Variants in TSC22D1 observed in about 807,000 individuals in gnomAD.
TSC22D1 encodes the protein TSC22 domain family protein 1.
A neutral mutation model predicts 74.2 loss-of-function variants in TSC22D1; 9 were observed. That is an observed-to-expected ratio of 0.12 (90% CI 0.07 to 0.21). The LOEUF (loss-of-function observed/expected upper bound fraction) is 0.21, where lower values mean the gene tolerates loss of function less well. TSC22D1 is among the 10% of genes least tolerant of loss of function. The pLI is 1.00. For missense variants in TSC22D1, 1,427 were observed against 1,304.7 expected (o/e 1.09, Z -1.44); for synonymous variants, 586 against 492.5 (o/e 1.19, Z -2.51).
At chr13:44,551,396 G>GTGGGTGTGTT (rs1882257273) in intron 1 of TSC22D1, among the ~76,000 whole-genome samples, 1 of 127,784 alleles carries the variant, frequency 7.8e-6, no homozygotes, top group Non-Finnish European at 1.6e-5. Context: ...ATGGGTGTGT[G>GTGGGTGTGTT]TGTGTGTGTG....
chr13:44,571,729 AAACT>A lies in TSC22D1; in HGVS notation c.2912+1430_2912+1433del, dbSNP rs537086344. Among the ~76,000 whole-genome samples, 5 of 152,318 alleles carry A rather than the reference AAACT, an allele frequency of 3.3e-5. No individual in the cohort carries two copies. The South Asian group carries it at 1.0e-3, about 32-fold the overall frequency. The stretch of plus-strand genomic sequence containing the variant: ...AACAATAATAATGGAACAATTAAGG[AAACT>A]ACCTCCTAAAAGTTTATCTTTTAGA... On this transcript the variant is annotated intron_variant, in intron 1 of 2. Coordinates refer to ENST00000458659, the MANE Select transcript of TSC22D1 (RefSeq NM_183422.4).
chr13:44,503,368 C>T (rs979868486), intron 1 of TSC22D1, among the ~76,000 whole-genome samples: 20 of 151,808 alleles, frequency 1.3e-4, no homozygotes, highest in African/African-American at 4.1e-4. Flanking sequence ...TAGTTAAAGA[C>T]GAAAGTCTCC....
Position 44,575,916 on chromosome 13 carries a change from T to C in TSC22D1, c.159A>G (p.Thr53=). The change falls in exon 1 of 3, where the codon ACA becomes ACG. Residue 53 remains threonine, a synonymous_variant. Transcript: ENST00000458659. ...AAGTGVGSNA[T]SSEDFPPPSL... ...ACGGAGGCGGAAAATCCTCGGAAGA[T>C]GTGGCATTACTACCGACGCCGGTAC... is the stretch of plus-strand genomic sequence containing the variant. 2.5e-6 allele frequency: 4 copies of C among 1,613,776 alleles called. No individual in the cohort carries two copies. The highest frequency in any genetic ancestry group is 3.4e-6 in the Non-Finnish European group (4 of 1,179,938).
intron 1 of TSC22D1, among the ~76,000 whole-genome samples, chr13:44,517,776 T>TAC (rs1555269359): frequency 3.8e-5 from 5 of 130,860 alleles, no homozygotes; most frequent in African/African-American, 1.4e-4. Context: ...TATATATATA[T>TAC]ACACATATAT....
intron 1 of TSC22D1, among the ~76,000 whole-genome samples, chr13:44,531,116 T>C (rs542529687): frequency 8.9e-4 from 135 of 152,274 alleles, no homozygotes; most frequent in Non-Finnish European, 9.6e-4. Flanking sequence ...ATGTAAACTA[T>C]AGACTTTAAT....
chr13:44,521,182 T>C (rs1053771158), intron 1 of TSC22D1, among the ~76,000 whole-genome samples: 2 of 152,148 alleles, frequency 1.3e-5, no homozygotes, highest in Non-Finnish European at 1.5e-5. Context: ...TTAAGACAAT[T>C]GAGAACCTAA....
intron 1 of TSC22D1, among the ~76,000 whole-genome samples, chr13:44,469,739 A>C (rs933808150): frequency 3.3e-5 from 5 of 152,150 alleles, no homozygotes; most frequent in African/African-American, 7.2e-5. Flanking sequence ...AAGCTAGTGA[A>C]ATTTATCTAT....
In TSC22D1 at chr13:44,574,354, G is replaced by C; in HGVS notation, c.1721C>G (p.Ala574Gly). ...PVPLQATMSA[A>G]TGIQPSPVNV... The stretch of plus-strand genomic sequence containing the variant: ...TACAGGCGATGGCTGGATACCAGTT[G>C]CAGCACTCATAGTGGCTTGCAGAGG... The change falls in exon 1 of 3, where the codon GCA (alanine) becomes GGA (glycine). Residue 574 changes from alanine to glycine, a missense_variant. Coordinates refer to ENST00000458659, the MANE Select transcript of TSC22D1 (RefSeq NM_183422.4). 1 of 1,614,252 alleles carries C rather than the reference G, an allele frequency of 6.2e-7. No homozygotes were observed. Among genetic ancestry groups the C allele is most frequent in the Non-Finnish European group, 8.5e-7 (1 of 1,180,046 alleles).
chr13:44,565,798 T>A (rs569336442), intron 1 of TSC22D1, among the ~76,000 whole-genome samples: 1 of 152,276 alleles, frequency 6.6e-6, no homozygotes, highest in Admixed American at 6.5e-5. Flanking sequence ...GCTCAAGTGA[T>A]CCTCCTATCT....
chr13:44,473,075 G>A (rs1213162178), intron 1 of TSC22D1, among the ~76,000 whole-genome samples: 1 of 152,212 alleles, frequency 6.6e-6, no homozygotes, highest in Admixed American at 6.5e-5. Flanking sequence ...TTTTTAAAAC[G>A]GAATTGCAGA....
intron 1 of TSC22D1, among the ~76,000 whole-genome samples, chr13:44,498,943 A>G (rs1033191298): frequency 6.6e-6 from 1 of 152,264 alleles, no homozygotes; most frequent in Non-Finnish European, 1.5e-5. Context: ...AACTAGTCTA[A>G]GTCAATCTAA....
At chr13:44,536,856 C>T in intron 1 of TSC22D1, 4 of 972,592 alleles carry the variant, frequency 4.1e-6, no homozygotes, top group Non-Finnish European at 4.8e-6. Context: ...CAAAACAGAT[C>T]ACCTATTTCA....
chr13:44,538,688 G>A (rs1023099558), intron 1 of TSC22D1: 30 of 985,260 alleles, frequency 3.0e-5, no homozygotes, highest in Non-Finnish European at 3.5e-5. Flanking sequence ...AAGTAAACCA[G>A]AGTAATTCTT....
chr13:44,461,711 C>T (rs951458287), intron 1 of TSC22D1, among the ~76,000 whole-genome samples: 2 of 152,106 alleles, frequency 1.3e-5, no homozygotes, highest in African/African-American at 4.8e-5. Context: ...CAGATAAATA[C>T]TCATTCAGAG....
chr13:44,485,015 T>C (rs1361789959), intron 1 of TSC22D1, among the ~76,000 whole-genome samples: 1 of 152,188 alleles, frequency 6.6e-6, no homozygotes. Context: ...TGAAAAAGAA[T>C]AGATATGTAG....
chr13:44,577,085 G>C (rs1442819324), upstream of TSC22D1: 1 of 153,058 alleles, frequency 6.5e-6, no homozygotes, highest in Admixed American at 6.5e-5. Context: ...GGGCGGGAGA[G>C]GGCCGCAGGC....
chr13:44,486,997 T>C (rs768288275), intron 1 of TSC22D1, among the ~76,000 whole-genome samples: 2 of 152,040 alleles, frequency 1.3e-5, no homozygotes, highest in Non-Finnish European at 2.9e-5. Context: ...TAGAGGATTA[T>C]AAACTTAGGA....
rs112550534 is a variant in TSC22D1, at chr13:44,555,058, T to C, written c.2912+18105A>G. Among the ~76,000 whole-genome samples the C allele has an allele frequency of 1.4e-3, 214 of 152,116 alleles. 1 individual carries two copies. The highest frequency in any genetic ancestry group is 4.8e-3 in the African/African-American group (198 of 41,502). On this transcript the variant is annotated intron_variant, in intron 1 of 2. Transcript: ENST00000458659. ...TGGATCAATTTCCTAATAAGCCACT[T>C]GTAGATCCCTAAGGGCTAAGAGTCT...
chr13:44,433,751 A>G lies in TSC22D1; in HGVS notation c.*875T>C, dbSNP rs559855369. The G allele has an allele frequency of 4.4e-4, 225 of 506,594 alleles. No homozygotes were observed. Among genetic ancestry groups the G allele is most frequent in the Non-Finnish European group, 7.1e-4 (207 of 293,254 alleles). The allele number at this position is 506,594 out of a possible 1,614,324, so 31.4% of individuals were successfully genotyped here. ...ACTTCAGTGAACAAGGATTTACTTC[A>G]GCGTATTCAGCAGCTAGATTTCAGA... On this transcript the variant is annotated 3_prime_UTR_variant, in exon 3 of 3. Transcript: ENST00000458659.
Sources: gnomAD v4.1 joint callset for allele counts (sites outside exome capture counted in the v4.1 genomes callset) on GRCh38, gnomAD v4.1.1 for gene constraint, MANE v1.5 for transcripts, NCBI Gene and HGNC (gene_info 2026-07-23, HGNC 2026-07-21) for gene names.